Variants in NAV2 observed in about 807,000 individuals in gnomAD.
NAV2 encodes the protein helicase, APC down-regulated 1.
Under a neutral mutation model 223.2 loss-of-function variants are expected in NAV2, and 54 were observed. The ratio of observed to expected loss-of-function variants is 0.24; its 90% confidence interval spans 0.19 to 0.30. The LOEUF is 0.30. Among genes scored for constraint, NAV2 ranks in the 10% least tolerant of loss-of-function variants. The pLI is 1.00. For missense variants in NAV2, 2,806 were observed against 3,147.5 expected, an observed-to-expected ratio of 0.89 and a Z score of 2.60; for synonymous variants, 1,279 against 1,239.3, an observed-to-expected ratio of 1.03 and a Z score of -0.67.
chr11:19,498,954 A>G (rs1201168133), intron 1 of NAV2, among the ~76,000 whole-genome samples: 4 of 152,244 alleles, frequency 2.6e-5, no homozygotes, highest in Non-Finnish European at 5.9e-5. Context: ...TACTATGGTT[A>G]AATCATTAGT....
At chr11:19,383,705 T>C (rs1848931855) in intron 1 of NAV2, among the ~76,000 whole-genome samples, 2 of 152,244 alleles carry the variant, frequency 1.3e-5, no homozygotes, top group South Asian at 4.1e-4. Flanking sequence ...AAGGTAACAC[T>C]ACCCTTGCTG....
intron 1 of NAV2, among the ~76,000 whole-genome samples, chr11:19,526,431 C>T (rs528334567): frequency 1.3e-5 from 2 of 152,046 alleles, no homozygotes; most frequent in African/African-American, 4.8e-5. Context: ...CAATCTTCTC[C>T]CCTTCTCTTT....
At chr11:19,958,220 G>A (rs1191274962) in intron 10 of NAV2, among the ~76,000 whole-genome samples, 2 of 152,098 alleles carry the variant, frequency 1.3e-5, no homozygotes, top group African/African-American at 4.8e-5. Context: ...CTTTCCTTTG[G>A]CCTACCTTCT....
At chr11:19,777,970 A>G (rs1024445524) in intron 1 of NAV2, 2 of 455,452 alleles carry the variant, frequency 4.4e-6, no homozygotes, top group East Asian at 7.0e-5. Flanking sequence ...TGTGGGGAAT[A>G]CATGAGCCCC....
In NAV2 at chr11:19,933,564, G is replaced by A. The variant is rs148875394; in HGVS notation, c.1320G>A (p.Glu440=). Residue 440 remains glutamate, a synonymous_variant, in exon 7 of 38, where the codon GAG becomes GAA. Coordinates refer to ENST00000349880, the MANE Select transcript of NAV2 (RefSeq NM_145117.5). The surrounding 1 kb of genome is among the most constrained non-coding windows in gnomAD (Gnocchi z 4.3). The stretch of plus-strand genomic sequence containing the variant: ...CTCTGCCCAGCTTCGAAGAGAGCGA[G>A]GAGCTGGAGGCCGCCAGTCGCATGC... The part of the protein sequence containing the change: ...LETLPSFEES[E]ELEAASRMLT... 2.5e-3 allele frequency: 4,000 copies of A among 1,610,456 alleles called. 16 individuals are homozygous for A. Among genetic ancestry groups the A allele is most frequent in the Middle Eastern group, 4.3e-3 (26 of 6,040 alleles).
intron 1 of NAV2, among the ~76,000 whole-genome samples, chr11:19,659,758 A>G (rs1313704644): frequency 1.3e-5 from 2 of 152,166 alleles, no homozygotes; most frequent in African/African-American, 2.4e-5. Context: ...CCTGAGTTTC[A>G]ATCCTAACCC....
Position 19,859,189 on chromosome 11 carries a change from G to A in NAV2, c.439-9736G>A, listed in dbSNP as rs565155302. 6.7e-3 allele frequency among the ~76,000 whole-genome samples: 872 copies of A among 130,374 alleles called. 11 individuals are homozygous for A. The highest frequency in any genetic ancestry group is 0.023 in the African/African-American group (774 of 34,384). 85.5% of individuals were successfully genotyped at this position (130,374 alleles called of 152,430 possible). A position where few individuals can be genotyped will look rare whatever the true frequency, so the allele number is the denominator to read the frequency against. On this transcript the variant is annotated intron_variant, in intron 3 of 37. Transcript: ENST00000349880. ...ATCATTCTTGGGTGTTTCTCGCAGAGGGGGATTTGGCAGGGTCACAGGACA... is the reference window on the plus strand; with the variant it reads ...ATCATTCTTGGGTGTTTCTCGCAGAAGGGGATTTGGCAGGGTCACAGGACA...
upstream of NAV2, among the ~76,000 whole-genome samples, chr11:19,709,646 C>G (rs1401195547): frequency 6.6e-6 from 1 of 151,092 alleles, no homozygotes; most frequent in African/African-American, 2.4e-5. Flanking sequence ...ACCAGCCTGA[C>G]CAATATGACG....
chr11:19,476,083 T>C (rs1437741848), intron 1 of NAV2, among the ~76,000 whole-genome samples: 6 of 152,188 alleles, frequency 3.9e-5, no homozygotes, highest in Admixed American at 3.9e-4. Flanking sequence ...CAAGCAGTTC[T>C]CCTGCCTCAG....
intron 1 of NAV2, among the ~76,000 whole-genome samples, chr11:19,643,851 A>G (rs889715613): frequency 2.0e-5 from 3 of 152,120 alleles, no homozygotes; most frequent in Non-Finnish European, 2.9e-5. Context: ...TTTAATGATC[A>G]CCATTCTAAC....
intron 1 of NAV2, among the ~76,000 whole-genome samples, chr11:19,513,723 C>A (rs931864900): frequency 1.3e-5 from 2 of 152,168 alleles, no homozygotes; most frequent in African/African-American, 4.8e-5. Context: ...GAAATAAAGT[C>A]ATCACAGATG....
chr11:20,073,736 G>A (rs1421587158), intron 22 of NAV2, among the ~76,000 whole-genome samples: 1 of 151,546 alleles, frequency 6.6e-6, no homozygotes. Context: ...GCTGTTTATA[G>A]TATTCTCTGA....
At chr11:20,059,309 A>C (rs776987180) in intron 19 of NAV2, among the ~76,000 whole-genome samples, 2 of 152,182 alleles carry the variant, frequency 1.3e-5, no homozygotes, top group Non-Finnish European at 2.9e-5. Flanking sequence ...TGGCCACGTC[A>C]CTTAACCATT....
rs565464612 is a variant in NAV2 at position 20,111,631 on chromosome 11, C to A, written c.6961-2961C>A. ...AAAGTGTCTAAAGTCTGCAGGGTAA[C>A]TCAAAAGGCCTTTCTCTGTGCCCAG... On this transcript the variant is annotated intron_variant, in intron 36 of 37. Transcript: ENST00000349880. Among the ~76,000 whole-genome samples the A allele has an allele frequency of 2.9e-4, 44 of 152,352 alleles. 1 individual carries two copies. In the South Asian group the frequency reaches 8.9e-3, roughly 31 times the overall value.
intron 1 of NAV2, among the ~76,000 whole-genome samples, chr11:19,802,048 T>C (rs1189106186): frequency 6.6e-6 from 1 of 152,132 alleles, no homozygotes; most frequent in African/African-American, 2.4e-5. Context: ...TTATAGGAAT[T>C]TGAAACTCTT....
At chr11:19,765,569 T>C (rs1048431180) in intron 1 of NAV2, among the ~76,000 whole-genome samples, 1 of 152,154 alleles carries the variant, frequency 6.6e-6, no homozygotes, top group Non-Finnish European at 1.5e-5. Flanking sequence ...GGACTGGATC[T>C]GGCCCCTGGG....
At position 19,931,765 on chromosome 11, in the gene NAV2, T is replaced by C. The variant is rs1022728132; in HGVS notation, c.932-1411T>C. The C allele has an allele frequency of 3.3e-5, 5 of 152,336 alleles. No individual in the cohort carries two copies. In the East Asian group the frequency reaches 9.7e-4, roughly 29 times the overall value. The allele number at this position is 152,336 out of a possible 1,614,324, so 9.4% of individuals were successfully genotyped here. On this transcript the variant is annotated intron_variant, in intron 6 of 37. Transcript: ENST00000349880. ...TTGGAGGATTTTTCCTAGGGAATCA[T>C]TGCAGGAGAAAGTGGCTGCTGCTAG...
At chr11:19,924,384 A>T (rs1167367834) in intron 6 of NAV2, among the ~76,000 whole-genome samples, 1 of 152,026 alleles carries the variant, frequency 6.6e-6, no homozygotes, top group Non-Finnish European at 1.5e-5. Context: ...ACTTGGTTTT[A>T]TCCAAAATAA....
At chr11:19,365,101 G>A (rs2702752) in intron 1 of NAV2, among the ~76,000 whole-genome samples, 148,064 of 152,302 alleles carry the variant, frequency 0.97, 72,102 homozygotes, top group East Asian at 1. Flanking sequence ...TCACAGATAT[G>A]GATGATAGAG....
Sources: allele counts gnomAD v4.1 joint callset (sites outside exome capture counted in the v4.1 genomes callset), GRCh38; gene constraint gnomAD v4.1.1; non-coding constraint Gnocchi (gnomAD v3.1); transcripts MANE v1.5; gene names NCBI Gene and HGNC (gene_info 2026-07-23, HGNC 2026-07-21).